Variants in PKD2 observed in about 807,000 individuals in gnomAD.
PKD2 encodes polycystin-2.
PKD2 carries 48 observed loss-of-function variants against 105.9 expected under a neutral mutation model. The ratio of observed to expected loss-of-function variants is 0.45; its 90% CI spans 0.36 to 0.58. The LOEUF is 0.58. PKD2 is among the 20% of genes least tolerant of loss of function. The pLI is 0.00. For synonymous variants in PKD2, 464 were observed against 481.1 expected (o/e 0.96, Z 0.46); for missense variants, 1,078 against 1,255.3 (o/e 0.86, Z 2.13).
intron 1 of PKD2, among the ~76,000 whole-genome samples, chr4:88,016,685 G>A (rs1726573260): frequency 6.6e-6 from 1 of 152,184 alleles, no homozygotes; most frequent in Non-Finnish European, 1.5e-5. Flanking sequence ...ACAGGGCCAA[G>A]CACAGTGGCT....
chr4:88,067,422 AAGTGATCTTCCG>A (rs1720836314), intron 12 of PKD2, among the ~76,000 whole-genome samples: 2 of 152,162 alleles, frequency 1.3e-5, no homozygotes, highest in African/African-American at 4.8e-5. Flanking sequence ...TCCTAGGCTC[AAGTGATCTTCCG>A]ACCTCAACCT....
At chr4:88,028,725 C>T (rs1727041706) in intron 2 of PKD2, among the ~76,000 whole-genome samples, 1 of 152,232 alleles carries the variant, frequency 6.6e-6, no homozygotes, top group Non-Finnish European at 1.5e-5. Flanking sequence ...CTGCCTATCA[C>T]TAGCCTAGGA....
At chr4:88,020,258 A>C (rs529974931) in intron 2 of PKD2, among the ~76,000 whole-genome samples, 45 of 152,360 alleles carry the variant, frequency 3.0e-4, no homozygotes, top group African/African-American at 1.1e-3. Flanking sequence ...CAGGAAATAC[A>C]AATAATGCTA....
intron 2 of PKD2, among the ~76,000 whole-genome samples, chr4:88,027,685 C>A (rs1727004915): frequency 6.6e-6 from 1 of 152,140 alleles, no homozygotes; most frequent in Non-Finnish European, 1.5e-5. Flanking sequence ...GTGTCTCCAC[C>A]CAAATCTCAT....
At chr4:88,024,625 T>C (rs574099891) in intron 2 of PKD2, among the ~76,000 whole-genome samples, 1 of 152,166 alleles carries the variant, frequency 6.6e-6, no homozygotes, top group East Asian at 1.9e-4. Flanking sequence ...AATCTATATA[T>C]AGTTTAAACA....
Position 88,052,014 on chromosome 4 carries a change from T to G in PKD2, c.1572T>G (p.Ile524Met), listed in dbSNP as rs1222160182. The G allele has an allele frequency of 1.9e-6, 3 of 1,593,420 alleles. No homozygotes were observed. The highest frequency in any genetic ancestry group is 1.7e-4 in the Middle Eastern group (1 of 6,014). Residue 524 changes from isoleucine (I) to methionine (M), a missense_variant, in exon 7 of 15, where the codon ATT (isoleucine) becomes ATG (methionine). By Grantham distance (10) the Ile-to-Met change is conservative (BLOSUM62 1). This residue lies in a region of PKD2 where 868 missense variants were observed against 1,067.3 expected (regional missense o/e 0.81). Coordinates refer to ENST00000237596, the MANE Select transcript of PKD2 (RefSeq NM_000297.4). ...AGCTGTCAGTGGTAGCTATAGGAAT[T>G]AACATATACAGAACATCAAATGTGG... is the stretch of plus-strand genomic sequence containing the variant. ...IVVLSVVAIGINIYRTSNVEV... is the reference protein window; with the variant it reads ...IVVLSVVAIGMNIYRTSNVEV...
chr4:88,075,600 A>G lies in PKD2; in HGVS notation c.2813A>G (p.Gln938Arg). The G allele has an allele frequency of 6.2e-7, 1 of 1,614,196 alleles. No individual in the cohort carries two copies. Among genetic ancestry groups the G allele is most frequent in the Non-Finnish European group, 8.5e-7 (1 of 1,180,022 alleles). ...GGCACGCCAGTGGGACTAAATGGTC[A>G]ACCTCGCCCCAGAAGCTCCCGCCCA... ...GLGTPVGLNG[Q>R]PRPRSSRPSS... Residue 938 changes from glutamine (Q) to arginine (R), a missense_variant, in exon 15 of 15, where the codon CAA becomes CGA. Transcript: ENST00000237596.
Position 88,052,093 on chromosome 4 carries a change from C to A in PKD2, c.1651C>A (p.Leu551Met). The A allele has an allele frequency of 6.2e-7, 1 of 1,607,956 alleles. No individual in the cohort carries two copies. Among genetic ancestry groups the A allele is most frequent in the Non-Finnish European group, 8.5e-7 (1 of 1,174,606 alleles). The change falls in exon 7 of 15, where the codon CTG becomes ATG. Residue 551 changes from leucine (L) to methionine (M), a missense_variant. Physicochemically the swap from Leu to Met is conservative, Grantham distance 15. Around this residue, in one of 2 missense-constraint regions of PKD2, gnomAD observed 868 missense variants for 1,067.3 expected, o/e 0.81. Coordinates refer to ENST00000237596, the MANE Select transcript of PKD2 (RefSeq NM_000297.4). ...AAATACTTTCCCCAACTTTGAGCAT[C>A]TGGCATATTGGCAGATACAGTTCAA... is the stretch of plus-strand genomic sequence containing the variant. ...DQNTFPNFEH[L>M]AYWQIQFNNI... is the part of the protein sequence containing the mutation.
At chr4:88,070,203 A>G (rs945550741) in intron 13 of PKD2, among the ~76,000 whole-genome samples, 2 of 152,036 alleles carry the variant, frequency 1.3e-5, no homozygotes, top group African/African-American at 4.8e-5. Flanking sequence ...GACAGGTGCT[A>G]ATTTTACTGT....
intron 5 of PKD2, 54 bp downstream of exon 5, chr4:88,043,511 C>A: frequency 7.7e-7 from 1 of 1,304,372 alleles, no homozygotes; most frequent in Non-Finnish European, 1.1e-6. Context: ...TACATACATC[C>A]TATTCTGGGG....
chr4:88,056,342 A>G, intron 8 of PKD2, 75 bp downstream of exon 8: 1 of 886,248 alleles, frequency 1.1e-6, no homozygotes, highest in Non-Finnish European at 1.8e-6. Context: ...TCTTCATATG[A>G]GGTTGCTATA....
At chr4:88,019,343 G>A in intron 1 of PKD2, 115 bp from the exon 2 acceptor site, 19 of 606,180 alleles carry the variant, frequency 3.1e-5, no homozygotes, top group East Asian at 8.8e-5. Context: ...AAAAAAAAAA[G>A]GAGAATCTCC....
intron 13 of PKD2, among the ~76,000 whole-genome samples, chr4:88,074,391 G>A (rs955751779): frequency 1.3e-5 from 2 of 152,080 alleles, no homozygotes; most frequent in African/African-American, 2.4e-5. Flanking sequence ...GCACACTTCC[G>A]CCTCCCAAAA....
intron 4 of PKD2, among the ~76,000 whole-genome samples, chr4:88,041,541 A>G (rs535875337): frequency 6.6e-6 from 1 of 152,324 alleles, no homozygotes; most frequent in African/African-American, 2.4e-5. Context: ...CAGTGAGGTC[A>G]CATAGGATGT....
intron 9 of PKD2, among the ~76,000 whole-genome samples, chr4:88,060,119 T>C (rs941189699): frequency 2.0e-5 from 3 of 152,186 alleles, no homozygotes; most frequent in African/African-American, 4.8e-5. Context: ...GAAATCTCTT[T>C]AGAGGTCCCA....
chr4:88,009,062 A>G (rs1726300359), intron 1 of PKD2, among the ~76,000 whole-genome samples: 1 of 152,220 alleles, frequency 6.6e-6, no homozygotes, highest in Non-Finnish European at 1.5e-5. Flanking sequence ...TTGAAATTCC[A>G]CCAAAATGAT....
chr4:88,065,283 T>G, intron 10 of PKD2, 91 bp from the exon 11 acceptor site: 1 of 1,106,556 alleles, frequency 9.0e-7, no homozygotes. Flanking sequence ...TACACCAGGT[T>G]TGTAGTAGTT....
chr4:88,043,547 G>C, intron 5 of PKD2, 90 bp downstream of exon 5: 1 of 906,764 alleles, frequency 1.1e-6, no homozygotes, highest in Non-Finnish European at 1.8e-6. Flanking sequence ...TTTGCCTGCA[G>C]TTAGCTACAT....
chr4:88,055,366 T>G (rs1307792608), intron 7 of PKD2, among the ~76,000 whole-genome samples: 1 of 152,184 alleles, frequency 6.6e-6, no homozygotes, highest in Non-Finnish European at 1.5e-5. Flanking sequence ...TCCCTCCCTT[T>G]TACTTTAATC....
Sources: allele counts gnomAD v4.1 joint callset (sites outside exome capture counted in the v4.1 genomes callset), GRCh38; gene constraint gnomAD v4.1.1; regional missense constraint gnomAD v4.1.1; transcripts MANE v1.5; gene names NCBI Gene and HGNC (gene_info 2026-07-23, HGNC 2026-07-21).